Variants in TET2 observed in about 807,000 individuals in gnomAD.
TET2 encodes the protein tet methylcytosine dioxygenase 2, also known as methylcytosine dioxygenase TET2.
Under a neutral mutation model 142.9 loss-of-function variants are expected in TET2, and 299 were observed. The observed-to-expected ratio is 2.09, with a 90% confidence interval of 1.90 to 2.30. TET2 has a LOEUF of 2.30. Among genes scored for constraint, TET2 ranks in the 30% most tolerant of loss-of-function variants. The pLI is 0.00. For synonymous variants in TET2, 819 were observed against 849.0 expected (o/e 0.96, Z 0.61); for missense variants, 2,418 against 2,378.0 (o/e 1.02, Z -0.35).
chr4:105,160,895 G>C (rs1723818782), intron 1 of TET2, among the ~76,000 whole-genome samples: 1 of 151,980 alleles, frequency 6.6e-6, no homozygotes, highest in African/African-American at 2.4e-5. Flanking sequence ...TCTGCCTCAG[G>C]CTTCGGAGTA....
chr4:105,233,021 A>C (rs1337474798), intron 2 of TET2, among the ~76,000 whole-genome samples: 1 of 152,098 alleles, frequency 6.6e-6, no homozygotes, highest in African/African-American at 2.4e-5. Context: ...CTTCCTTTTG[A>C]TAACAAAGGG....
intron 2 of TET2, among the ~76,000 whole-genome samples, chr4:105,192,271 C>T (rs887785529): frequency 5.3e-5 from 8 of 152,052 alleles, no homozygotes; most frequent in Non-Finnish European, 8.8e-5. Flanking sequence ...AGGTAGCTCT[C>T]TGAGGAGTTC....
rs1731240633 is a variant in TET2, at chr4:105,276,720, G to A, written c.*201G>A. 1 of 555,036 alleles carries A rather than the reference G, an allele frequency of 1.8e-6. No homozygotes were observed. Among genetic ancestry groups the A allele is most frequent in the Non-Finnish European group, 3.0e-6 (1 of 327,904 alleles). 34.4% of individuals were successfully genotyped at this position (555,036 alleles called of 1,614,324 possible). ...CACTGGCTCCCAAGTGGTCACAGAT[G>A]GCATCTAGGAAAAGACCAAAGCATT... On this transcript the variant is annotated 3_prime_UTR_variant, in exon 11 of 11. Coordinates refer to ENST00000380013, the MANE Select transcript of TET2 (RefSeq NM_001127208.3).
At position 105,278,929 on chromosome 4, in the gene TET2, A is replaced by T. The variant is rs111534325; in HGVS notation, c.*2410A>T. 8 of 232,962 alleles carry T rather than the reference A, an allele frequency of 3.4e-5. No homozygotes were observed. The highest frequency in any genetic ancestry group is 1.5e-4 in the African/African-American group (7 of 45,460). The allele number at this position is 232,962 out of a possible 1,614,324, so 14.4% of individuals were successfully genotyped here. Reference sequence around the variant, plus strand: ...AACACCTACAGGTATGGTGTGCAACAGATTGTACAATTACATTTTGGCCTA... The same window carrying T: ...AACACCTACAGGTATGGTGTGCAACTGATTGTACAATTACATTTTGGCCTA... On this transcript the variant is annotated 3_prime_UTR_variant, in exon 11 of 11. Coordinates refer to ENST00000380013, the MANE Select transcript of TET2 (RefSeq NM_001127208.3).
chr4:105,189,824 C>A (rs960717957), intron 1 of TET2, among the ~76,000 whole-genome samples: 2 of 152,206 alleles, frequency 1.3e-5, no homozygotes, highest in African/African-American at 4.8e-5. Flanking sequence ...TTTTCCATAG[C>A]ACTTAGCATG....
At chr4:105,149,465 A>G (rs989177509) in intron 1 of TET2, among the ~76,000 whole-genome samples, 1 of 152,240 alleles carries the variant, frequency 6.6e-6, no homozygotes, top group Non-Finnish European at 1.5e-5. Context: ...TTGTTGGAAA[A>G]GAGAAATTAT....
chr4:105,185,225 A>G (rs897028895), intron 1 of TET2, among the ~76,000 whole-genome samples: 2 of 151,894 alleles, frequency 1.3e-5, no homozygotes, highest in African/African-American at 4.8e-5. Flanking sequence ...AGGCTTTGAA[A>G]TGTAGAATTA....
chr4:105,238,337 G>A (rs2110240933), intron 3 of TET2: 1 of 238,238 alleles, frequency 4.2e-6, no homozygotes, highest in Admixed American at 5.7e-5. Context: ...ACAGTGAAGT[G>A]CTGTATCAAT....
chr4:105,270,917 T>C (rs182636269), intron 9 of TET2, among the ~76,000 whole-genome samples: 3 of 152,260 alleles, frequency 2.0e-5, no homozygotes, highest in Non-Finnish European at 4.4e-5. Context: ...AAAGCATTCA[T>C]GGAGGTATTA....
intron 2 of TET2, among the ~76,000 whole-genome samples, chr4:105,209,520 G>A (rs1266780886): frequency 6.6e-6 from 1 of 151,996 alleles, no homozygotes; most frequent in African/African-American, 2.4e-5. Flanking sequence ...GATGTAATGT[G>A]CTTCCAACAA....
rs1188712805 is a variant in TET2 at position 105,278,060 on chromosome 4, CATTAATTT to C, written c.*1542_*1549del. ...CTGGTTTGCTGTGGTGGTTTTAAAT[CATTAATTT>C]GTATAAAGAAGTGAAAGAGTTGTAT... On this transcript the variant is annotated 3_prime_UTR_variant, in exon 11 of 11. Transcript: ENST00000380013. The C allele has an allele frequency of 4.9e-6, 1 of 204,022 alleles. No homozygotes were observed. The highest frequency in any genetic ancestry group is 1.0e-5 in the Non-Finnish European group (1 of 100,082). 12.6% of individuals were successfully genotyped at this position (204,022 alleles called of 1,614,324 possible).
chr4:105,166,445 A>G (rs1724153074), intron 1 of TET2, among the ~76,000 whole-genome samples: 1 of 152,042 alleles, frequency 6.6e-6, no homozygotes, highest in Non-Finnish European at 1.5e-5. Flanking sequence ...TTTCTTAATT[A>G]TACCATTTGA....
chr4:105,214,952 G>A (rs1177815982), intron 2 of TET2, among the ~76,000 whole-genome samples: 1 of 152,170 alleles, frequency 6.6e-6, no homozygotes, highest in East Asian at 1.9e-4. Context: ...AAGCTGGTTG[G>A]TCAGAAGTTC....
At chr4:105,257,581 TTATTCCCTGCTTGTGCAGAG>T (rs1730204016) in intron 6 of TET2, among the ~76,000 whole-genome samples, 1 of 152,076 alleles carries the variant, frequency 6.6e-6, no homozygotes. Flanking sequence ...GGATTAGCCT[TTATTCCCTGCTTGTGCAGAG>T]TCTCAAGGTT....
rs757220889 is a variant in TET2 at position 105,275,069 on chromosome 4, C to A, written c.4559C>A (p.Pro1520Gln). The A allele has an allele frequency of 6.5e-7, 1 of 1,539,240 alleles. No homozygotes were observed. The highest frequency in any genetic ancestry group is 1.2e-5 in the South Asian group (1 of 81,986). The change falls in exon 11 of 11, where the codon CCA becomes CAA. Residue 1520 changes from proline to glutamine, a missense_variant. Physicochemically the swap from Pro to Gln is moderately conservative, Grantham distance 76. Coordinates refer to ENST00000380013, the MANE Select transcript of TET2 (RefSeq NM_001127208.3). The part of the protein sequence containing the change: ...QLAELLRLSG[P>Q]VMQQSQQPQP... ...ACAGAACTTTTGCGACTTTCAGGAC[C>A]AGTCATGCAGCAGTCCCAGCAGCCC...
rs867497159 is a variant in TET2, at chr4:105,222,651, G to C, written c.-46-11246G>C. Among the ~76,000 whole-genome samples, 474 of 152,148 alleles carry C rather than the reference G, an allele frequency of 3.1e-3. 5 individuals are homozygous for C. The highest frequency in any genetic ancestry group is 7.6e-3 in the African/African-American group (314 of 41,504). On this transcript the variant is annotated intron_variant, in intron 2 of 10. Coordinates refer to ENST00000380013, the MANE Select transcript of TET2 (RefSeq NM_001127208.3). Reference sequence around the variant, plus strand: ...GATGAGTAGGTTGCGAAAATTTTCTGCCATTTTGTGGGTTGCCTGTTCACT... The same window carrying C: ...GATGAGTAGGTTGCGAAAATTTTCTCCCATTTTGTGGGTTGCCTGTTCACT...
intron 2 of TET2, among the ~76,000 whole-genome samples, chr4:105,231,982 T>G (rs1437797131): frequency 6.6e-6 from 1 of 152,156 alleles, no homozygotes; most frequent in Non-Finnish European, 1.5e-5. Flanking sequence ...GTCACCCAGG[T>G]AATAAGCGTA....
chr4:105,247,843 T>C (rs1729661204), intron 6 of TET2, among the ~76,000 whole-genome samples: 1 of 145,534 alleles, frequency 6.9e-6, no homozygotes, highest in African/African-American at 2.5e-5. Flanking sequence ...TGCCTCAGCC[T>C]CCTGAGTAAC....
chr4:105,221,531 G>A (rs967090153), intron 2 of TET2, among the ~76,000 whole-genome samples: 1 of 152,040 alleles, frequency 6.6e-6, no homozygotes, highest in African/African-American at 2.4e-5. Context: ...AGGCCCTACT[G>A]AGGATTATGA....
Sources: gnomAD v4.1 joint callset for allele counts (sites outside exome capture counted in the v4.1 genomes callset) on GRCh38, gnomAD v4.1.1 for gene constraint, MANE v1.5 for transcripts, NCBI Gene and HGNC (gene_info 2026-07-23, HGNC 2026-07-21) for gene names.